ENTPD6: variants seen among roughly 807,000 people sequenced by gnomAD.
The protein encoded by ENTPD6 is CD39 antigen-like 2.
ENTPD6 carries 46 observed loss-of-function variants against 61.5 expected under a neutral mutation model. The ratio of observed to expected loss-of-function variants is 0.75; its 90% confidence interval spans 0.59 to 0.96. The LOEUF is 0.96. ENTPD6 is among the 40% of genes least tolerant of loss of function. The pLI is 0.00. For missense variants in ENTPD6, 612 were observed against 629.0 expected (o/e 0.97, Z 0.29); for synonymous variants, 252 against 255.5 (o/e 0.99, Z 0.13).
At position 25,227,115 on chromosome 20, in the gene ENTPD6, G is replaced by A. The variant is rs1280404851; in HGVS notation, c.*1518G>A. Among the ~76,000 whole-genome samples, 3 of 152,260 alleles carry A rather than the reference G, an allele frequency of 2.0e-5. No individual in the cohort carries two copies. The highest frequency in any genetic ancestry group is 1.5e-5 in the Non-Finnish European group (1 of 68,050). On this transcript the variant is annotated 3_prime_UTR_variant, in exon 15 of 15. Transcript: ENST00000376652. ...AACTGCAGACCAGCCCACATCCCGA[G>A]TGCTTGTGCCTGAAGCCCCCCCCAA... is the stretch of plus-strand genomic sequence containing the variant.
intron 4 of ENTPD6, among the ~76,000 whole-genome samples, chr20:25,212,499 AC>A (rs1474692781): frequency 6.6e-6 from 1 of 152,144 alleles, no homozygotes; most frequent in Non-Finnish European, 1.5e-5. Context: ...GTTCCCACAC[AC>A]CTGCCAGTAC....
chr20:25,203,994 T>A (rs1263028588), intron 1 of ENTPD6, among the ~76,000 whole-genome samples: 1 of 152,266 alleles, frequency 6.6e-6, no homozygotes, highest in Non-Finnish European at 1.5e-5. Context: ...TCCCTGGGCC[T>A]GTGTATGTGT....
intron 13 of ENTPD6, 120 bp from the exon 14 acceptor site, chr20:25,225,085 T>C: frequency 6.9e-7 from 1 of 1,457,924 alleles, no homozygotes; most frequent in Non-Finnish European, 9.1e-7. Context: ...CGGCCTTGTC[T>C]GTGAATCCGG....
intron 9 of ENTPD6, 137 bp downstream of exon 9, chr20:25,217,718 C>T: frequency 1.5e-6 from 1 of 661,652 alleles, no homozygotes. Context: ...ACCTCTCTCT[C>T]CTCCTCCTCC....
rs1053139928 is a variant in ENTPD6 at position 25,227,848 on chromosome 20, C to T, written c.*2251C>T. 6.6e-6 allele frequency among the ~76,000 whole-genome samples: 1 copy of T among 152,246 alleles called. No individual in the cohort carries two copies. Among genetic ancestry groups the T allele is most frequent in the African/African-American group, 2.4e-5 (1 of 41,458 alleles). ...ACTGGACAAGCATCGGTGCTGGCCT[C>T]CCCCATGTCCTAACAGCTACAGCCA... is the stretch of plus-strand genomic sequence containing the variant. On this transcript the variant is annotated 3_prime_UTR_variant, in exon 15 of 15. Coordinates refer to ENST00000376652, the MANE Select transcript of ENTPD6 (RefSeq NM_001247.5).
At chr20:25,200,547 A>G (rs753305193) in intron 1 of ENTPD6, among the ~76,000 whole-genome samples, 7 of 151,812 alleles carry the variant, frequency 4.6e-5, no homozygotes, top group Non-Finnish European at 8.8e-5. Flanking sequence ...GAATTTGTCC[A>G]TTTCATCTAG....
chr20:25,224,092 C>G lies in ENTPD6; in HGVS notation c.1187-9C>G, dbSNP rs2092723002. On this transcript the variant is annotated splice_polypyrimidine_tract_variant and intron_variant, in intron 12 of 14. Coordinates refer to ENST00000376652, the MANE Select transcript of ENTPD6 (RefSeq NM_001247.5). ...TGCTCCTGCAGACTGGGTGTTGTGT[C>G]TCCCACAGATGCGGAGAAGGGAGGC... 1 of 1,610,936 alleles carries G rather than the reference C, an allele frequency of 6.2e-7. No homozygotes were observed. Among genetic ancestry groups the G allele is most frequent in the Non-Finnish European group, 8.5e-7 (1 of 1,178,590 alleles).
In ENTPD6 at chr20:25,227,313, A is replaced by G. The variant is rs2092813939; in HGVS notation, c.*1716A>G. On this transcript the variant is annotated 3_prime_UTR_variant, in exon 15 of 15. Coordinates refer to ENST00000376652, the MANE Select transcript of ENTPD6 (RefSeq NM_001247.5). ...GGTCCCCACCAGCGCCTTTACTTCCATAATATCCACCAGCTTAAATATTTA... is the reference window on the plus strand; with the variant it reads ...GGTCCCCACCAGCGCCTTTACTTCCGTAATATCCACCAGCTTAAATATTTA... 6.6e-6 allele frequency among the ~76,000 whole-genome samples: 1 copy of G among 152,332 alleles called. No individual in the cohort carries two copies. The highest frequency in any genetic ancestry group is 1.9e-4 in the East Asian group (1 of 5,184).
chr20:25,204,026 C>T (rs1019599919), intron 1 of ENTPD6, among the ~76,000 whole-genome samples: 1 of 152,170 alleles, frequency 6.6e-6, no homozygotes, highest in African/African-American at 2.4e-5. Flanking sequence ...TCCCCATATT[C>T]GTGGCTGTTT....
At chr20:25,215,563 G>A (rs144274705) in intron 6 of ENTPD6, 113 bp from the exon 7 acceptor site, 171 of 1,040,970 alleles carry the variant, frequency 1.6e-4, no homozygotes, top group African/African-American at 7.6e-4. Context: ...GGTGTAGTGC[G>A]GAAGTGATCC....
At chr20:25,204,310 A>G in intron 1 of ENTPD6, among the ~76,000 whole-genome samples, 1 of 152,050 alleles carries the variant, frequency 6.6e-6, no homozygotes, top group East Asian at 1.9e-4. Context: ...GTTTGGTTTA[A>G]GTTGGTGCTT....
chr20:25,222,815 G>C, intron 11 of ENTPD6, 23 bp from the exon 12 acceptor site: 5 of 1,611,974 alleles, frequency 3.1e-6, no homozygotes, highest in Non-Finnish European at 3.4e-6. Context: ...CCCACTGACC[G>C]CTAGCCTTGT....
At chr20:25,222,685 G>A (rs1568652363) in intron 11 of ENTPD6, 153 bp from the exon 12 acceptor site, 3 of 974,924 alleles carry the variant, frequency 3.1e-6, no homozygotes, top group Non-Finnish European at 4.5e-6. Context: ...GCGGGGAGCA[G>A]CCCCAACTTG....
At chr20:25,202,103 A>G (rs968447782) in intron 1 of ENTPD6, among the ~76,000 whole-genome samples, 7 of 152,224 alleles carry the variant, frequency 4.6e-5, no homozygotes, top group Non-Finnish European at 1.0e-4. Flanking sequence ...ATAAGAAATC[A>G]TAAGAAAGAG....
chr20:25,206,763 G>A (rs1228930131), intron 2 of ENTPD6, among the ~76,000 whole-genome samples, 173 bp downstream of exon 2: 1 of 152,122 alleles, frequency 6.6e-6, no homozygotes, highest in African/African-American at 2.4e-5. Flanking sequence ...TACATAAATC[G>A]CCATGTGTCC....
At chr20:25,196,122 G>A in intron 1 of ENTPD6, 3 of 1,206,248 alleles carry the variant, frequency 2.5e-6, no homozygotes, top group South Asian at 8.7e-5. Context: ...TAGCCCCAGG[G>A]GGCCCCAGCC....
At chr20:25,205,374 G>C (rs1243356640) in intron 1 of ENTPD6, among the ~76,000 whole-genome samples, 1 of 152,188 alleles carries the variant, frequency 6.6e-6, no homozygotes, top group Non-Finnish European at 1.5e-5. Flanking sequence ...GGTGGGACAA[G>C]TATTCTGGGA....
chr20:25,225,375 A>G, intron 14 of ENTPD6, 58 bp downstream of exon 14: 1 of 1,597,846 alleles, frequency 6.3e-7, no homozygotes, highest in South Asian at 1.1e-5. Context: ...GCCTAGAACC[A>G]CTTCTCCAGT....
intron 4 of ENTPD6, among the ~76,000 whole-genome samples, chr20:25,210,932 A>C (rs962016372): frequency 1.1e-4 from 16 of 152,222 alleles, no homozygotes; most frequent in Non-Finnish European, 1.6e-4. Context: ...ACAGAGTGAG[A>C]CTCTGACCCC....
Sources: allele counts gnomAD v4.1 joint callset (sites outside exome capture counted in the v4.1 genomes callset), GRCh38; gene constraint gnomAD v4.1.1; transcripts MANE v1.5; gene names NCBI Gene and HGNC (gene_info 2026-07-23, HGNC 2026-07-21).